PKHD1L1: variants seen among roughly 807,000 people sequenced by gnomAD.
PKHD1L1 encodes the protein fibrocystin-L.
A neutral mutation model predicts 462.9 loss-of-function variants in PKHD1L1; 434 were observed. The observed-to-expected ratio is 0.94, with a 90% CI of 0.87 to 1.02. The LOEUF is 1.02. Ranked by LOEUF, PKHD1L1 falls within the 50% of genes least tolerant of loss-of-function variation. The probability of loss-of-function intolerance (pLI) is 0.00; values close to 1 mark genes in which losing one functional copy is unlikely to be tolerated. For missense variants in PKHD1L1, 5,202 were observed against 5,096.1 expected (o/e 1.02, Z -0.63); for synonymous variants, 1,781 against 1,750.0 (o/e 1.02, Z -0.44).
rs561487597 is a variant in PKHD1L1 at position 109,387,771 on chromosome 8, ATT to A, written c.570-721_570-720del. On this transcript the variant is annotated intron_variant, in intron 6 of 77. Coordinates refer to ENST00000378402, the MANE Select transcript of PKHD1L1 (RefSeq NM_177531.6). ...AAATTTTCTGCAAACAAAAGTCCTT[ATT>A]TTTTATAGTTCAAGTTTGTATCTGG... Among the ~76,000 whole-genome samples the A allele has an allele frequency of 1.6e-3, 239 of 152,226 alleles. 1 individual carries two copies. Among genetic ancestry groups the A allele is most frequent in the South Asian group, 7.7e-3 (37 of 4,832 alleles).
chr8:109,397,532 G>GA (rs150874438), intron 11 of PKHD1L1, among the ~76,000 whole-genome samples: 36 of 151,176 alleles, frequency 2.4e-4, no homozygotes, highest in African/African-American at 6.1e-4. Flanking sequence ...AGAAAAAAAA[G>GA]AAAAAAAAAT....
At chr8:109,517,688 TACAC>T (rs1677929547) in intron 72 of PKHD1L1, among the ~76,000 whole-genome samples, 1 of 150,998 alleles carries the variant, frequency 6.6e-6, no homozygotes, top group African/African-American at 2.5e-5. Context: ...TCATTTTTAT[TACAC>T]AGTTTTGTCC....
chr8:109,501,979 A>G (rs2130956187), intron 67 of PKHD1L1, among the ~76,000 whole-genome samples: 1 of 152,180 alleles, frequency 6.6e-6, no homozygotes, highest in East Asian at 1.9e-4. Context: ...ACCTTAGATC[A>G]GTTCTCTCTC....
At chr8:109,471,504 C>T (rs1817715465) in intron 50 of PKHD1L1, among the ~76,000 whole-genome samples, 1 of 152,136 alleles carries the variant, frequency 6.6e-6, no homozygotes, top group Non-Finnish European at 1.5e-5. Flanking sequence ...AGACATTTTT[C>T]ATTCATGAGT....
intron 77 of PKHD1L1, among the ~76,000 whole-genome samples, chr8:109,529,327 GT>G (rs1291850657): frequency 6.6e-6 from 1 of 152,096 alleles, no homozygotes; most frequent in Non-Finnish European, 1.5e-5. Context: ...AGACAAGGGG[GT>G]TTATGTTATT....
intron 72 of PKHD1L1, among the ~76,000 whole-genome samples, chr8:109,516,184 T>C (rs926403963): frequency 1.3e-5 from 2 of 152,120 alleles, no homozygotes; most frequent in Non-Finnish European, 2.9e-5. Context: ...GATGAGTAAA[T>C]TGAGACACAG....
chr8:109,415,343 A>G (rs559468528), intron 21 of PKHD1L1, among the ~76,000 whole-genome samples: 1 of 152,224 alleles, frequency 6.6e-6, no homozygotes, highest in South Asian at 2.1e-4. Flanking sequence ...CCAGTTCCCA[A>G]TTCATAACTT....
At chr8:109,375,063 G>C (rs1811740241) in intron 2 of PKHD1L1, among the ~76,000 whole-genome samples, 1 of 152,246 alleles carries the variant, frequency 6.6e-6, no homozygotes, top group African/African-American at 2.4e-5. Flanking sequence ...GCTAGATTGG[G>C]GAAGTTCTCC....
Position 109,522,353 on chromosome 8 carries a change from T to A in PKHD1L1, c.12183+16T>A. On this transcript the variant is annotated intron_variant, in intron 74 of 77. Transcript: ENST00000378402. ...GTGGATTAAGGTAAGAAAATGCAAC[T>A]AGAAAAAATGCATTTTTTGGGACTT... 1 of 1,520,800 alleles carries A rather than the reference T, an allele frequency of 6.6e-7. No individual in the cohort carries two copies. The highest frequency in any genetic ancestry group is 2.4e-5 in the Admixed American group (1 of 42,432). 94.2% of individuals were successfully genotyped at this position (1,520,800 alleles called of 1,614,324 possible). A position where few individuals can be genotyped will look rare whatever the true frequency, so the allele number is the denominator to read the frequency against.
In PKHD1L1 at chr8:109,438,338, A is replaced by T; in HGVS notation, c.3642A>T (p.Thr1214=). The change falls in exon 31 of 78, where the codon ACA becomes ACT. Residue 1214 remains threonine, a synonymous_variant. Coordinates refer to ENST00000378402, the MANE Select transcript of PKHD1L1 (RefSeq NM_177531.6). ...TCTTATTTTAGAAAACTGAGGGTACAGTTGATATTTCAGTTACTACCAATG... is the reference window on the plus strand; with the variant it reads ...TCTTATTTTAGAAAACTGAGGGTACTGTTGATATTTCAGTTACTACCAATG... ...TCRTPKKTEG[T]VDISVTTNGF... 1 of 1,518,900 alleles carries T rather than the reference A, an allele frequency of 6.6e-7. No homozygotes were observed. Among genetic ancestry groups the T allele is most frequent in the Non-Finnish European group, 8.9e-7 (1 of 1,126,268 alleles). The allele number at this position is 1,518,900 out of a possible 1,614,324, so 94.1% of individuals were successfully genotyped here. A position where few individuals can be genotyped will look rare whatever the true frequency, so the allele number is the denominator to read the frequency against.
At chr8:109,397,271 T>C (rs1813025735) in intron 11 of PKHD1L1, among the ~76,000 whole-genome samples, 1 of 152,192 alleles carries the variant, frequency 6.6e-6, no homozygotes, top group Non-Finnish European at 1.5e-5. Context: ...CTTGAAAACA[T>C]GATGTTTATG....
intron 76 of PKHD1L1, among the ~76,000 whole-genome samples, chr8:109,525,158 C>A (rs1404083016): frequency 6.6e-6 from 1 of 152,136 alleles, no homozygotes; most frequent in Non-Finnish European, 1.5e-5. Flanking sequence ...GATCAGACTG[C>A]GGCCTGACAG....
chr8:109,406,234 G>A, intron 16 of PKHD1L1, 101 bp from the exon 17 acceptor site: 1 of 1,196,002 alleles, frequency 8.4e-7, no homozygotes, highest in Non-Finnish European at 1.1e-6. Flanking sequence ...GAGTATAGGT[G>A]CTTTAAAAAT....
chr8:109,467,072 A>G (rs1817481888), intron 50 of PKHD1L1, among the ~76,000 whole-genome samples: 1 of 152,046 alleles, frequency 6.6e-6, no homozygotes, highest in African/African-American at 2.4e-5. Context: ...CTGCCACTCA[A>G]AGCAAATGTT....
In PKHD1L1 at chr8:109,372,578, G is replaced by T. The variant is rs538854730; in HGVS notation, c.163+7942G>T. Among the ~76,000 whole-genome samples the T allele has an allele frequency of 3.3e-5, 5 of 152,282 alleles. No individual in the cohort carries two copies. In the East Asian group the frequency reaches 9.7e-4, roughly 29 times the overall value. The stretch of plus-strand genomic sequence containing the variant: ...TGGTGAGAGAGGGCATCCCTGTCTT[G>T]TGCCAGTTTTCAAAGGGAATGCTTC... On this transcript the variant is annotated intron_variant, in intron 2 of 77. Coordinates refer to ENST00000378402, the MANE Select transcript of PKHD1L1 (RefSeq NM_177531.6).
intron 50 of PKHD1L1, chr8:109,470,182 T>C (rs1817647962): frequency 7.9e-6 from 6 of 764,102 alleles, no homozygotes; most frequent in South Asian, 3.9e-5. Flanking sequence ...TTGGGAAAAG[T>C]ATCTGGAGGA....
In PKHD1L1 at chr8:109,534,215, C is replaced by T. The variant is rs1026422959; in HGVS notation, c.*4125C>T. Among the ~76,000 whole-genome samples, 1 of 152,262 alleles carries T rather than the reference C, an allele frequency of 6.6e-6. No individual in the cohort carries two copies. The highest frequency in any genetic ancestry group is 1.5e-5 in the Non-Finnish European group (1 of 68,042). ...CAGTGGCTCACGCCTGTAATCCCAGCACTCTGGGAGGCCAAGGCAGGCGGA... is the reference window on the plus strand; with the variant it reads ...CAGTGGCTCACGCCTGTAATCCCAGTACTCTGGGAGGCCAAGGCAGGCGGA... On this transcript the variant is annotated 3_prime_UTR_variant, in exon 78 of 78. Transcript: ENST00000378402.
intron 27 of PKHD1L1, among the ~76,000 whole-genome samples, 164 bp from the exon 28 acceptor site, chr8:109,432,942 G>T (rs1464865595): frequency 2.6e-5 from 4 of 152,148 alleles, no homozygotes; most frequent in Non-Finnish European, 4.4e-5. Flanking sequence ...GAAATAAAAT[G>T]CCATTGACAA....
chr8:109,492,861 C>A (rs1242823697), intron 62 of PKHD1L1, among the ~76,000 whole-genome samples: 1 of 151,732 alleles, frequency 6.6e-6, no homozygotes. Flanking sequence ...CTCTATGCTT[C>A]CATTTTTTAT....
Sources: gnomAD v4.1 joint callset for allele counts (sites outside exome capture counted in the v4.1 genomes callset) on GRCh38, gnomAD v4.1.1 for gene constraint, MANE v1.5 for transcripts, NCBI Gene and HGNC (gene_info 2026-07-23, HGNC 2026-07-21) for gene names.